Variants in ZMYM4 observed in about 807,000 individuals in gnomAD.
ZMYM4 encodes the protein zinc finger MYM-type containing 4, also known as zinc finger MYM-type protein 4.
In ZMYM4, 31 loss-of-function variants were observed where a neutral mutation model predicts 183.2. The observed-to-expected ratio is 0.17, with a 90% CI of 0.13 to 0.23. ZMYM4 has a LOEUF of 0.23. Among genes scored for constraint, ZMYM4 ranks in the 10% least tolerant of loss-of-function variants. The pLI is 1.00. For synonymous variants in ZMYM4, 592 were observed against 631.2 expected (o/e 0.94, Z 0.93); for missense variants, 1,273 against 1,840.3 (o/e 0.69, Z 5.64).
chr1:35,318,060 T>C (rs942476617), intron 1 of ZMYM4, among the ~76,000 whole-genome samples: 1 of 147,452 alleles, frequency 6.8e-6, no homozygotes, highest in South Asian at 2.2e-4. Flanking sequence ...GGCAGTTTTT[T>C]TTTTTTTTTT....
At position 35,393,638 on chromosome 1, in the gene ZMYM4, C is replaced by T; in HGVS notation, c.2810C>T (p.Pro937Leu). 1.9e-6 allele frequency: 3 copies of T among 1,612,086 alleles called. No homozygotes were observed. The highest frequency in any genetic ancestry group is 2.5e-6 in the Non-Finnish European group (3 of 1,178,762). Reference sequence around the variant, plus strand: ...GCCCTGAAACTGCCACCTTCCCAACCTCCAAGGCTTTTGAAGAACAAAGCT... The same window carrying T: ...GCCCTGAAACTGCCACCTTCCCAACTTCCAAGGCTTTTGAAGAACAAAGCT... The part of the protein sequence containing the change: ...TDALKLPPSQ[P>L]PRLLKNKALL... Residue 937 changes from proline to leucine, a missense_variant, in exon 18 of 30, where the codon CCT becomes CTT. Coordinates refer to ENST00000314607, the MANE Select transcript of ZMYM4 (RefSeq NM_005095.3).
At chr1:35,371,305 A>G (rs1644208435) in intron 7 of ZMYM4, among the ~76,000 whole-genome samples, 1 of 151,844 alleles carries the variant, frequency 6.6e-6, no homozygotes, top group Non-Finnish European at 1.5e-5. Context: ...TTTAGTAGAG[A>G]CGGGCTTTCT....
At chr1:35,407,592 C>T (rs1292117536) in intron 25 of ZMYM4, among the ~76,000 whole-genome samples, 1 of 152,182 alleles carries the variant, frequency 6.6e-6, no homozygotes, top group East Asian at 1.9e-4. Context: ...TGTTCTCCAG[C>T]TCTCACATAA....
intron 3 of ZMYM4, among the ~76,000 whole-genome samples, chr1:35,359,914 A>AC (rs1643900251): frequency 2.0e-5 from 3 of 151,006 alleles, no homozygotes; most frequent in South Asian, 4.2e-4. Context: ...AATAAAAAAA[A>AC]CCCAAACATT....
Position 35,385,495 on chromosome 1 carries a change from A to G in ZMYM4, c.1623A>G (p.Ala541=), listed in dbSNP as rs778080471. The G allele has an allele frequency of 6.2e-7, 1 of 1,613,644 alleles. No homozygotes were observed. Among genetic ancestry groups the G allele is most frequent in the Non-Finnish European group, 8.5e-7 (1 of 1,179,854 alleles). The change falls in exon 10 of 30, where the codon GCA becomes GCG. Residue 541 remains alanine, a synonymous_variant. Coordinates refer to ENST00000314607, the MANE Select transcript of ZMYM4 (RefSeq NM_005095.3). ...TTTGCAAATCATTGAGATCCTCAGC[A>G]GAAATGATTGAAAATACCAATAGCT... ...CALCKSLRSS[A]EMIENTNSLG...
At chr1:35,408,689 G>A (rs2149031930) in intron 26 of ZMYM4, among the ~76,000 whole-genome samples, 1 of 152,262 alleles carries the variant, frequency 6.6e-6, no homozygotes, top group African/African-American at 2.4e-5. Context: ...GTAAGCCATT[G>A]GAGCTCCAGC....
At chr1:35,283,073 A>G (rs1210377026) in intron 1 of ZMYM4, among the ~76,000 whole-genome samples, 1 of 124,426 alleles carries the variant, frequency 8.0e-6, no homozygotes, top group Admixed American at 1.0e-4. Context: ...ATCTCACCAC[A>G]CTGTAACCTC....
intron 1 of ZMYM4, among the ~76,000 whole-genome samples, chr1:35,318,382 G>A (rs911072515): frequency 6.6e-6 from 1 of 152,004 alleles, no homozygotes. Context: ...GCATGGAAAA[G>A]TTGCTTATTC....
chr1:35,400,513 A>G (rs1192910237), intron 23 of ZMYM4, among the ~76,000 whole-genome samples: 2 of 152,134 alleles, frequency 1.3e-5, no homozygotes, highest in East Asian at 1.9e-4. Flanking sequence ...CCAGTTCCCT[A>G]TTTTTATAGT....
chr1:35,378,187 T>C (rs1277892113), intron 7 of ZMYM4, among the ~76,000 whole-genome samples: 1 of 152,184 alleles, frequency 6.6e-6, no homozygotes, highest in African/African-American at 2.4e-5. Context: ...CCCACATTTG[T>C]AGTTATTTCC....
At chr1:35,418,401 CT>C (rs1208517047) in intron 28 of ZMYM4, 41 bp from the exon 29 acceptor site, 2 of 1,599,798 alleles carry the variant, frequency 1.3e-6, no homozygotes, top group South Asian at 1.1e-5. Context: ...AAAGAATAGA[CT>C]TTTCTAATAT....
intron 2 of ZMYM4, among the ~76,000 whole-genome samples, chr1:35,350,424 G>A (rs922947160): frequency 2.0e-5 from 3 of 152,048 alleles, no homozygotes; most frequent in African/African-American, 7.2e-5. Flanking sequence ...TAGTAGCTGG[G>A]ATTAAAGGCA....
intron 1 of ZMYM4, among the ~76,000 whole-genome samples, chr1:35,274,640 G>A (rs1259206841): frequency 6.7e-6 from 1 of 149,808 alleles, no homozygotes; most frequent in Non-Finnish European, 1.5e-5. Context: ...AAAAAGGAGA[G>A]GCCATTCTAA....
In ZMYM4 at chr1:35,405,241, A is replaced by AT. The variant is rs761326120; in HGVS notation, c.3700+48dup. ...TATCTTGATTTAGGTAGGGGGAAAT[A>AT]TACAGATAATCTACTGAAAAGGGAT... On this transcript the variant is annotated intron_variant, in intron 24 of 29. Coordinates refer to ENST00000314607, the MANE Select transcript of ZMYM4 (RefSeq NM_005095.3). 5.6e-6 allele frequency: 9 copies of AT among 1,600,972 alleles called. No individual in the cohort carries two copies. The East Asian group carries it at 1.6e-4, about 28-fold the overall frequency.
At chr1:35,350,724 G>A (rs754982988) in intron 2 of ZMYM4, 5 of 419,930 alleles carry the variant, frequency 1.2e-5, no homozygotes, top group Non-Finnish European at 4.5e-6. Context: ...TCTGCAGGAT[G>A]GGGTTTGTTA....
At chr1:35,349,761 T>G (rs1414910419) in intron 2 of ZMYM4, among the ~76,000 whole-genome samples, 2 of 144,854 alleles carry the variant, frequency 1.4e-5, no homozygotes, top group Non-Finnish European at 3.0e-5. Flanking sequence ...ACCCGGGCAG[T>G]GGAAGTTGCA....
In ZMYM4 at chr1:35,419,699, T is replaced by G. The variant is rs1422378102; in HGVS notation, c.*22T>G. ...TTAAAACGGAAGTGAGGTTCTTATT[T>G]TCATACATATTGGTATGCACCAAAC... On this transcript the variant is annotated 3_prime_UTR_variant, in exon 30 of 30. Transcript: ENST00000314607. The G allele has an allele frequency of 1.9e-6, 3 of 1,612,258 alleles. No individual in the cohort carries two copies. Among genetic ancestry groups the G allele is most frequent in the Non-Finnish European group, 2.5e-6 (3 of 1,178,648 alleles).
intron 26 of ZMYM4, among the ~76,000 whole-genome samples, chr1:35,411,671 A>G (rs891096795): frequency 3.9e-5 from 6 of 152,216 alleles, no homozygotes; most frequent in Non-Finnish European, 7.3e-5. Context: ...CAGTGAATCT[A>G]TAAATTGATT....
rs1644648114 is a variant in ZMYM4, at chr1:35,389,252, A to C, written c.2436+170A>C. On this transcript the variant is annotated intron_variant, in intron 14 of 29. Transcript: ENST00000314607. The surrounding 1 kb of genome is among the most constrained non-coding windows in gnomAD (Gnocchi z 4.0). ...TTTAGAAAGACTTTAATGTTATTGA[A>C]GTTTTCTTTTGTTTTTAATTTCCTG... Among the ~76,000 whole-genome samples, 1 of 152,160 alleles carries C rather than the reference A, an allele frequency of 6.6e-6. No individual in the cohort carries two copies.
Sources: allele counts gnomAD v4.1 joint callset (sites outside exome capture counted in the v4.1 genomes callset), GRCh38; gene constraint gnomAD v4.1.1; non-coding constraint Gnocchi (gnomAD v3.1); transcripts MANE v1.5; gene names NCBI Gene and HGNC (gene_info 2026-07-23, HGNC 2026-07-21).